ATXN1: variants seen among roughly 807,000 people sequenced by gnomAD.
ATXN1 encodes the protein ataxin 1.
ATXN1 carries 8 observed loss-of-function variants against 56.4 expected under a neutral mutation model. The ratio of observed to expected loss-of-function variants is 0.14; its 90% CI spans 0.08 to 0.26. ATXN1 has a LOEUF of 0.26. Among genes scored for constraint, ATXN1 ranks in the 10% least tolerant of loss-of-function variants. The pLI, the probability that ATXN1 is intolerant of heterozygous loss-of-function variation, is 1.00. For missense variants in ATXN1, 987 were observed against 1,106.5 expected, an observed-to-expected ratio of 0.89 and a Z score of 1.53; for synonymous variants, 514 against 494.6, an observed-to-expected ratio of 1.04 and a Z score of -0.52.
chr6:16,744,666 G>T (rs992876716), intron 2 of ATXN1, among the ~76,000 whole-genome samples: 1 of 152,050 alleles, frequency 6.6e-6, no homozygotes, highest in African/African-American at 2.4e-5. Flanking sequence ...AGAAAGACTG[G>T]GACTTCAACA....
chr6:16,422,373 C>A (rs758565756), intron 6 of ATXN1, among the ~76,000 whole-genome samples: 4 of 152,210 alleles, frequency 2.6e-5, no homozygotes, highest in Non-Finnish European at 4.4e-5. Context: ...AGTTCCCATT[C>A]TCTCTCCTCT....
chr6:16,316,746 T>TA lies in ATXN1; in HGVS notation c.1917+9647dup, dbSNP rs1016435749. Among the ~76,000 whole-genome samples the TA allele has an allele frequency of 4.7e-5, 7 of 149,078 alleles. No individual in the cohort carries two copies. In the South Asian group the frequency reaches 8.5e-4, roughly 18 times the overall value. On this transcript the variant is annotated intron_variant, in intron 7 of 7. Transcript: ENST00000436367. Reference sequence around the variant, plus strand: ...CAGGTGACAGTGCAAGACTCCGTCTTAAAAAAAACAAAAACAAAACAAAAA... The same window carrying TA: ...CAGGTGACAGTGCAAGACTCCGTCTTAAAAAAAAACAAAAACAAAACAAAAA...
intron 2 of ATXN1, among the ~76,000 whole-genome samples, chr6:16,747,154 C>A (rs1017923102): frequency 6.6e-6 from 1 of 152,136 alleles, no homozygotes; most frequent in African/African-American, 2.4e-5. Flanking sequence ...TTTTCTAATG[C>A]ACAGGGGCAC....
intron 2 of ATXN1, among the ~76,000 whole-genome samples, chr6:16,730,910 A>G (rs1759960972): frequency 6.6e-6 from 1 of 152,184 alleles, no homozygotes; most frequent in Non-Finnish European, 1.5e-5. Context: ...CTGCAGGGTG[A>G]AATTTTGACT....
intron 6 of ATXN1, among the ~76,000 whole-genome samples, chr6:16,449,485 A>T (rs1238834815): frequency 1.3e-5 from 2 of 152,134 alleles, no homozygotes; most frequent in African/African-American, 2.4e-5. Flanking sequence ...CCTCAGGCTT[A>T]TGAGTTTCTT....
chr6:16,741,758 T>A (rs1040243456), intron 2 of ATXN1, among the ~76,000 whole-genome samples: 1 of 152,230 alleles, frequency 6.6e-6, no homozygotes, highest in Non-Finnish European at 1.5e-5. Context: ...GTTTCTTCAT[T>A]TTAATGTTGT....
chr6:16,321,640 C>T (rs1465862709), intron 7 of ATXN1, among the ~76,000 whole-genome samples: 2 of 152,228 alleles, frequency 1.3e-5, no homozygotes, highest in Non-Finnish European at 2.9e-5. Flanking sequence ...TCGTCTGGAG[C>T]GTCAGCTGGG....
chr6:16,608,368 A>G (rs1468748788), intron 3 of ATXN1, among the ~76,000 whole-genome samples: 5 of 152,204 alleles, frequency 3.3e-5, no homozygotes, highest in Admixed American at 3.3e-4. Flanking sequence ...TAAGCCTATG[A>G]CCTACCCTCT....
intron 2 of ATXN1, among the ~76,000 whole-genome samples, chr6:16,668,458 G>C (rs898417205): frequency 6.7e-6 from 1 of 148,698 alleles, no homozygotes; most frequent in African/African-American, 2.5e-5. Context: ...TTTTGGTCTT[G>C]AGAGTCAAGA....
chr6:16,610,783 G>C (rs1763090480), intron 3 of ATXN1, among the ~76,000 whole-genome samples: 1 of 152,046 alleles, frequency 6.6e-6, no homozygotes, highest in South Asian at 2.1e-4. Flanking sequence ...CAGAACTTTG[G>C]GAGGCCGAGG....
intron 5 of ATXN1, among the ~76,000 whole-genome samples, chr6:16,496,693 C>T (rs941716399): frequency 1.3e-5 from 2 of 152,208 alleles, no homozygotes; most frequent in Non-Finnish European, 2.9e-5. Context: ...AGTTAAAATA[C>T]CTGATGATCG....
At chr6:16,437,326 C>T (rs909717099) in intron 6 of ATXN1, among the ~76,000 whole-genome samples, 1 of 152,210 alleles carries the variant, frequency 6.6e-6, no homozygotes, top group Non-Finnish European at 1.5e-5. Context: ...ATCAGCACCA[C>T]CCCCGTGGAA....
intron 3 of ATXN1, among the ~76,000 whole-genome samples, chr6:16,643,611 A>G (rs1455688298): frequency 1.4e-5 from 2 of 145,510 alleles, no homozygotes; most frequent in Non-Finnish European, 1.5e-5. Flanking sequence ...CCTGGGAGAC[A>G]AGAGTGAGAC....
intron 2 of ATXN1, among the ~76,000 whole-genome samples, chr6:16,712,832 C>T (rs1198073091): frequency 6.6e-6 from 1 of 151,704 alleles, no homozygotes; most frequent in African/African-American, 2.4e-5. Context: ...AACTGCCATT[C>T]GCCATTTATA....
intron 2 of ATXN1, among the ~76,000 whole-genome samples, chr6:16,674,436 G>A (rs1025887031): frequency 1.5e-4 from 20 of 135,708 alleles, no homozygotes; most frequent in African/African-American, 4.5e-4. Flanking sequence ...TGCAAGCTCC[G>A]CCTCATGGGT....
intron 7 of ATXN1, among the ~76,000 whole-genome samples, chr6:16,321,226 C>T (rs1039623771): frequency 1.5e-4 from 23 of 152,216 alleles, no homozygotes; most frequent in Non-Finnish European, 3.1e-4. Flanking sequence ...TGCATTGGCT[C>T]CCACGTTGAT....
intron 3 of ATXN1, among the ~76,000 whole-genome samples, chr6:16,595,264 G>C (rs1010196269): frequency 6.6e-6 from 1 of 152,192 alleles, no homozygotes; most frequent in Non-Finnish European, 1.5e-5. Flanking sequence ...GCCAGACTTA[G>C]GCTTAAAGGA....
In ATXN1 at chr6:16,730,487, G is replaced by GTATGTATATATA. The variant is rs1554128995; in HGVS notation, c.-615+22745_-615+22746insTATATATACATA. ...CTGGAGTTAAAGGGTAAAACAGTAT[G>GTATGTATATATA]TATATATATATATATATATAAATGT... On this transcript the variant is annotated intron_variant, in intron 2 of 7. Transcript: ENST00000436367. 1.9e-3 allele frequency among the ~76,000 whole-genome samples: 251 copies of GTATGTATATATA among 132,056 alleles called. 3 individuals are homozygous for GTATGTATATATA. The highest frequency in any genetic ancestry group is 3.9e-3 in the African/African-American group (145 of 37,278). 86.6% of individuals were successfully genotyped at this position (132,056 alleles called of 152,430 possible). A position where few individuals can be genotyped will look rare whatever the true frequency, so the allele number is the denominator to read the frequency against.
At chr6:16,413,697 G>A (rs1456428466) in intron 6 of ATXN1, among the ~76,000 whole-genome samples, 2 of 152,172 alleles carry the variant, frequency 1.3e-5, no homozygotes, top group African/African-American at 4.8e-5. Flanking sequence ...ACTTTTTTGA[G>A]CTTTGTGACA....
Sources: gnomAD v4.1 joint callset for allele counts (sites outside exome capture counted in the v4.1 genomes callset) on GRCh38, gnomAD v4.1.1 for gene constraint, MANE v1.5 for transcripts, NCBI Gene and HGNC (gene_info 2026-07-23, HGNC 2026-07-21) for gene names.